Variants in LDB2 observed in about 807,000 individuals in gnomAD.
LDB2 encodes LIM domain binding 2.
In LDB2, 12 loss-of-function variants were observed where a neutral mutation model predicts 44.3. The ratio of observed to expected loss-of-function variants is 0.27; its 90% CI spans 0.17 to 0.44. The LOEUF (loss-of-function observed/expected upper bound fraction) is 0.44, where lower values mean the gene tolerates loss of function less well. LDB2 is among the 20% of genes least tolerant of loss of function. The pLI, the probability that LDB2 is intolerant of heterozygous loss-of-function variation, is 1.00. For synonymous variants in LDB2, 164 were observed against 174.8 expected, an observed-to-expected ratio of 0.94 and a Z score of 0.49; for missense variants, 344 against 473.5, an observed-to-expected ratio of 0.73 and a Z score of 2.54.
intron 1 of LDB2, among the ~76,000 whole-genome samples, chr4:16,795,791 G>T (rs901534410): frequency 1.3e-5 from 2 of 152,074 alleles, no homozygotes; most frequent in African/African-American, 4.8e-5. Context: ...ATAGATAGTC[G>T]CTAAACGGTA....
intron 5 of LDB2, among the ~76,000 whole-genome samples, chr4:16,560,803 A>T (rs1245616029): frequency 6.6e-6 from 1 of 152,242 alleles, no homozygotes; most frequent in African/African-American, 2.4e-5. Flanking sequence ...ACGAACATTA[A>T]TGCAAAAAGC....
intron 5 of LDB2, among the ~76,000 whole-genome samples, chr4:16,564,808 G>A (rs1743901525): frequency 6.6e-6 from 1 of 152,124 alleles, no homozygotes; most frequent in Non-Finnish European, 1.5e-5. Flanking sequence ...GTTCTCATAG[G>A]AGAATTCTAC....
At chr4:16,874,887 G>A (rs1717902579) in intron 1 of LDB2, among the ~76,000 whole-genome samples, 1 of 152,062 alleles carries the variant, frequency 6.6e-6, no homozygotes, top group Non-Finnish European at 1.5e-5. Context: ...AGTGGCACTT[G>A]ACAAAAATTG....
At chr4:16,813,294 C>T (rs1363150358) in intron 1 of LDB2, among the ~76,000 whole-genome samples, 2 of 152,114 alleles carry the variant, frequency 1.3e-5, no homozygotes, top group Admixed American at 6.5e-5. Context: ...CCTCAGTTTA[C>T]TCATTTGTAT....
chr4:16,811,496 C>T (rs1779860854), intron 1 of LDB2, among the ~76,000 whole-genome samples: 1 of 152,140 alleles, frequency 6.6e-6, no homozygotes, highest in South Asian at 2.1e-4. Flanking sequence ...TATACTCATT[C>T]AACTTGAAAT....
chr4:16,555,608 C>A (rs1739291283), intron 5 of LDB2, among the ~76,000 whole-genome samples: 2 of 152,148 alleles, frequency 1.3e-5, no homozygotes, highest in Admixed American at 1.3e-4. Context: ...CCTTTCTCTC[C>A]TTTCTTGAAT....
intron 2 of LDB2, among the ~76,000 whole-genome samples, chr4:16,624,696 T>C (rs1196467447): frequency 6.6e-6 from 1 of 152,180 alleles, no homozygotes; most frequent in African/African-American, 2.4e-5. Flanking sequence ...ATGTGTCTCT[T>C]GAAATCTGAT....
intron 2 of LDB2, among the ~76,000 whole-genome samples, chr4:16,735,952 T>C (rs1761806927): frequency 6.6e-6 from 1 of 152,140 alleles, no homozygotes; most frequent in South Asian, 2.1e-4. Flanking sequence ...GTGTGGAGTT[T>C]AATTAATTAA....
chr4:16,850,855 G>C (rs907106213), intron 1 of LDB2, among the ~76,000 whole-genome samples: 1 of 152,074 alleles, frequency 6.6e-6, no homozygotes, highest in African/African-American at 2.4e-5. Context: ...TTTCCAGGAA[G>C]TGTTTGGACA....
chr4:16,845,009 T>A (rs1786675894), intron 1 of LDB2, among the ~76,000 whole-genome samples: 1 of 152,140 alleles, frequency 6.6e-6, no homozygotes, highest in Non-Finnish European at 1.5e-5. Flanking sequence ...TACTGCCCAC[T>A]GGGGGAAAGT....
intron 5 of LDB2, among the ~76,000 whole-genome samples, chr4:16,525,313 G>T (rs1178215173): frequency 1.3e-5 from 2 of 152,156 alleles, no homozygotes; most frequent in South Asian, 2.1e-4. Context: ...TGTCTTCTTG[G>T]CTGCTTTCTT....
intron 2 of LDB2, among the ~76,000 whole-genome samples, chr4:16,696,789 G>A (rs561382030): frequency 6.6e-6 from 1 of 152,312 alleles, no homozygotes; most frequent in East Asian, 1.9e-4. Flanking sequence ...CCAATGGGCT[G>A]TTTCTGCAAG....
chr4:16,776,340 C>A (rs75487890), intron 1 of LDB2, among the ~76,000 whole-genome samples: 2,522 of 152,306 alleles, frequency 0.017, 71 homozygotes, highest in African/African-American at 0.057. Flanking sequence ...TGCCCACTTT[C>A]CCCACTCTTG....
chr4:16,788,605 C>T (rs761282445), intron 1 of LDB2, among the ~76,000 whole-genome samples: 6 of 152,208 alleles, frequency 3.9e-5, no homozygotes, highest in Non-Finnish European at 5.9e-5. Flanking sequence ...CCAGCTTCTG[C>T]CCTCTGCAGT....
intron 5 of LDB2, among the ~76,000 whole-genome samples, chr4:16,547,415 A>G (rs1417714854): frequency 6.6e-6 from 1 of 152,168 alleles, no homozygotes; most frequent in Non-Finnish European, 1.5e-5. Context: ...GGCTGTAGGA[A>G]ATGGATATAT....
chr4:16,847,435 A>C (rs1787254669), intron 1 of LDB2, among the ~76,000 whole-genome samples: 1 of 152,196 alleles, frequency 6.6e-6, no homozygotes, highest in Admixed American at 6.5e-5. Context: ...CTCCTCCTTA[A>C]GGATGTTACC....
intron 1 of LDB2, among the ~76,000 whole-genome samples, chr4:16,833,576 C>G: frequency 7.0e-6 from 1 of 142,450 alleles, no homozygotes; most frequent in East Asian, 2.0e-4. Flanking sequence ...CGGAGTCTCT[C>G]TCTGTCACCA....
In LDB2 at chr4:16,761,741, C is replaced by T. The variant is rs554289899; in HGVS notation, c.133-2481G>A. Among the ~76,000 whole-genome samples, 5 of 152,218 alleles carry T rather than the reference C, an allele frequency of 3.3e-5. No homozygotes were observed. In the South Asian group the frequency reaches 8.3e-4, roughly 25 times the overall value. On this transcript the variant is annotated intron_variant, in intron 1 of 7. Coordinates refer to ENST00000304523, the MANE Select transcript of LDB2 (RefSeq NM_001290.5). Reference sequence around the variant, plus strand: ...GAGATAAAATCTGCAGGAGAGCACCCCAAAGACAGTGAAGATCAATAAAAT... The same window carrying T: ...GAGATAAAATCTGCAGGAGAGCACCTCAAAGACAGTGAAGATCAATAAAAT...
intron 1 of LDB2, among the ~76,000 whole-genome samples, chr4:16,860,867 A>G (rs16894096): frequency 0.016 from 2,463 of 152,306 alleles, 62 homozygotes; most frequent in African/African-American, 0.049. Flanking sequence ...ATGGGTCCAA[A>G]TCTGCTTAGT....
Sources: gnomAD v4.1 joint callset for allele counts (sites outside exome capture counted in the v4.1 genomes callset) on GRCh38, gnomAD v4.1.1 for gene constraint, MANE v1.5 for transcripts, NCBI Gene and HGNC (gene_info 2026-07-23, HGNC 2026-07-21) for gene names.